SLC30A8: variants seen among roughly 807,000 people sequenced by gnomAD.
SLC30A8 encodes proton-coupled zinc antiporter SLC30A8.
SLC30A8 carries 27 observed loss-of-function variants against 36.9 expected under a neutral mutation model. The ratio of observed to expected loss-of-function variants is 0.73; its 90% CI spans 0.54 to 1.01. SLC30A8 has a LOEUF of 1.01. SLC30A8 is among the 50% of genes least tolerant of loss of function. The pLI is 0.00. For missense variants in SLC30A8, 439 were observed against 452.0 expected (o/e 0.97, Z 0.26); for synonymous variants, 164 against 172.4 (o/e 0.95, Z 0.38).
intron 1 of SLC30A8, among the ~76,000 whole-genome samples, chr8:116,963,880 A>G (rs189334737): frequency 2.4e-4 from 36 of 152,350 alleles, no homozygotes; most frequent in Admixed American, 2.2e-3. Context: ...CTTACCTTTA[A>G]TGAGAAAGTA....
chr8:117,099,813 T>G (rs1819631644), intron 2 of SLC30A8, among the ~76,000 whole-genome samples: 1 of 152,330 alleles, frequency 6.6e-6, no homozygotes, highest in Non-Finnish European at 1.5e-5. Flanking sequence ...TTAAATGAGA[T>G]GACATGTATT....
chr8:117,026,624 A>G (rs1452279968), intron 1 of SLC30A8, among the ~76,000 whole-genome samples: 1 of 152,192 alleles, frequency 6.6e-6, no homozygotes, highest in Non-Finnish European at 1.5e-5. Context: ...TGAAGTATCC[A>G]AAGTTTGGTG....
intron 2 of SLC30A8, among the ~76,000 whole-genome samples, chr8:117,082,967 G>A (rs750198549): frequency 3.9e-5 from 6 of 152,194 alleles, no homozygotes; most frequent in African/African-American, 1.4e-4. Flanking sequence ...TGGATGCCAA[G>A]TGCAAAACAG....
intron 2 of SLC30A8, among the ~76,000 whole-genome samples, chr8:117,070,507 C>T (rs1818299650): frequency 6.6e-6 from 1 of 152,232 alleles, no homozygotes; most frequent in African/African-American, 2.4e-5. Context: ...ATTCCCATGA[C>T]ATCACTTCTG....
chr8:116,961,069 T>C (rs1814400605), intron 1 of SLC30A8, among the ~76,000 whole-genome samples: 1 of 152,174 alleles, frequency 6.6e-6, no homozygotes, highest in Non-Finnish European at 1.5e-5. Context: ...GAAATAAAAC[T>C]GTTTATTCAC....
chr8:117,133,040 T>C (rs530600147), upstream of SLC30A8, among the ~76,000 whole-genome samples: 99 of 152,078 alleles, frequency 6.5e-4, no homozygotes, highest in African/African-American at 2.3e-3. Flanking sequence ...ACTTTATAAA[T>C]ATGTACATTT....
At chr8:116,970,118 A>T (rs1361739694) in intron 1 of SLC30A8, among the ~76,000 whole-genome samples, 2 of 151,848 alleles carry the variant, frequency 1.3e-5, no homozygotes, top group African/African-American at 4.8e-5. Context: ...TTATTCTATA[A>T]TTTTTTTTCT....
At chr8:117,141,615 G>A (rs768153181) in intron 1 of SLC30A8, among the ~76,000 whole-genome samples, 57 of 152,090 alleles carry the variant, frequency 3.7e-4, no homozygotes, top group Admixed American at 3.3e-4. Flanking sequence ...GCTCTTTAGT[G>A]GTGATTTCTG....
chr8:116,957,317 C>T (rs909980441), intron 1 of SLC30A8, among the ~76,000 whole-genome samples: 4 of 151,680 alleles, frequency 2.6e-5, no homozygotes, highest in Non-Finnish European at 5.9e-5. Flanking sequence ...CGCTATGTAG[C>T]CCAGGCTGGA....
At chr8:117,005,174 C>T (rs1243236806) in intron 1 of SLC30A8, among the ~76,000 whole-genome samples, 2 of 152,160 alleles carry the variant, frequency 1.3e-5, no homozygotes, top group Middle Eastern at 3.2e-3. Context: ...CCACCAAACC[C>T]GTTCCCTCTC....
At chr8:117,038,340 G>A (rs534451474) in intron 1 of SLC30A8, among the ~76,000 whole-genome samples, 69 of 152,052 alleles carry the variant, frequency 4.5e-4, no homozygotes, top group Middle Eastern at 3.4e-3. Context: ...TTAAAAATAA[G>A]TTCTATGCAC....
At chr8:117,092,834 G>A (rs1273491449) in intron 2 of SLC30A8, among the ~76,000 whole-genome samples, 1 of 152,192 alleles carries the variant, frequency 6.6e-6, no homozygotes, top group Non-Finnish European at 1.5e-5. Flanking sequence ...AAGCTGTGCT[G>A]TGCCTCCTTG....
Position 117,153,007 on chromosome 8 carries a change from C to T in SLC30A8, c.335C>T (p.Thr112Ile), listed in dbSNP as rs1206619667. Residue 112 changes from threonine (T) to isoleucine (I), a missense_variant, in exon 3 of 8, where the codon ACC (threonine) becomes ATC (isoleucine). Transcript: ENST00000456015. The stretch of plus-strand genomic sequence containing the variant: ...GCTGCCCACCTCTTAATTGACCTGA[C>T]CAGTTTCCTGCTCAGTCTCTTCTCC... ...TDAAHLLIDL[T>I]SFLLSLFSLW... 6.2e-7 allele frequency: 1 copy of T among 1,613,456 alleles called. No homozygotes were observed. The highest frequency in any genetic ancestry group is 8.5e-7 in the Non-Finnish European group (1 of 1,179,606).
chr8:116,997,023 C>G (rs577702499), intron 1 of SLC30A8, among the ~76,000 whole-genome samples: 6 of 150,630 alleles, frequency 4.0e-5, no homozygotes, highest in African/African-American at 1.5e-4. Flanking sequence ...CACATAACTT[C>G]ACTCTTCAGA....
chr8:117,156,338 C>T (rs1415185979), intron 3 of SLC30A8, among the ~76,000 whole-genome samples: 1 of 152,206 alleles, frequency 6.6e-6, no homozygotes, highest in East Asian at 1.9e-4. Context: ...CCGCCGCACC[C>T]AGCCAAAGAT....
At chr8:117,007,805 G>C (rs568671100) in intron 1 of SLC30A8, among the ~76,000 whole-genome samples, 11 of 152,120 alleles carry the variant, frequency 7.2e-5, no homozygotes, top group East Asian at 3.9e-4. Flanking sequence ...TGGACCAAAG[G>C]CTTTCTGATT....
intron 2 of SLC30A8, among the ~76,000 whole-genome samples, chr8:117,077,571 A>G (rs140972733): frequency 8.5e-4 from 130 of 152,352 alleles, no homozygotes; most frequent in African/African-American, 2.9e-3. Flanking sequence ...TGTAAGATGT[A>G]TATCTCTCCT....
intron 1 of SLC30A8, among the ~76,000 whole-genome samples, chr8:116,971,126 AAAAAG>A (rs1466098460): frequency 2.0e-5 from 3 of 151,532 alleles, no homozygotes; most frequent in East Asian, 1.9e-4. Flanking sequence ...CACACACACA[AAAAAG>A]AAAAGAAAAG....
At chr8:117,010,954 C>T (rs1816323923) in intron 1 of SLC30A8, among the ~76,000 whole-genome samples, 1 of 152,208 alleles carries the variant, frequency 6.6e-6, no homozygotes, top group Non-Finnish European at 1.5e-5. Context: ...TTCCACCAGG[C>T]CCCACCTCCA....
Sources: gnomAD v4.1 joint callset for allele counts (sites outside exome capture counted in the v4.1 genomes callset) on GRCh38, gnomAD v4.1.1 for gene constraint, MANE v1.5 for transcripts, NCBI Gene and HGNC (gene_info 2026-07-23, HGNC 2026-07-21) for gene names.